Variants in REEP3 observed in about 807,000 individuals in gnomAD.
The protein encoded by REEP3 is receptor accessory protein 3.
In REEP3, 20 loss-of-function variants were observed where a neutral mutation model predicts 41.3. That is an observed-to-expected ratio of 0.48 (90% CI 0.34 to 0.70). The LOEUF (loss-of-function observed/expected upper bound fraction) is 0.70, where lower values mean the gene tolerates loss of function less well. Among genes scored for constraint, REEP3 ranks in the 30% least tolerant of loss-of-function variants. REEP3 has a pLI of 0.01. For synonymous variants in REEP3, 104 were observed against 101.8 expected, an observed-to-expected ratio of 1.02 and a Z score of -0.13; for missense variants, 271 against 308.8, an observed-to-expected ratio of 0.88 and a Z score of 0.92.
At chr10:63,563,795 A>T (rs1307735427) in intron 1 of REEP3, among the ~76,000 whole-genome samples, 2 of 152,160 alleles carry the variant, frequency 1.3e-5, no homozygotes, top group Non-Finnish European at 2.9e-5. Flanking sequence ...AGTCACGTTG[A>T]TAGACTGTGT....
At chr10:63,540,064 A>G (rs1955515079) in intron 1 of REEP3, among the ~76,000 whole-genome samples, 1 of 152,250 alleles carries the variant, frequency 6.6e-6, no homozygotes, top group African/African-American at 2.4e-5. Flanking sequence ...AAATTTGAGT[A>G]TCTAAAAATT....
chr10:63,610,094 T>C, intron 5 of REEP3, 93 bp from the exon 6 acceptor site: 1 of 1,137,442 alleles, frequency 8.8e-7, no homozygotes, highest in Non-Finnish European at 1.2e-6. Context: ...TCTTTCAGCT[T>C]TTCTGAAGTT....
intron 3 of REEP3, among the ~76,000 whole-genome samples, chr10:63,596,333 G>A (rs1184331195): frequency 7.1e-6 from 1 of 141,210 alleles, no homozygotes; most frequent in Non-Finnish European, 1.6e-5. Flanking sequence ...GTGCTACATC[G>A]AAGTTTCCAA....
At chr10:63,602,506 A>G (rs936938637) in intron 5 of REEP3, among the ~76,000 whole-genome samples, 7 of 152,226 alleles carry the variant, frequency 4.6e-5, no homozygotes, top group Admixed American at 6.5e-5. Context: ...ATGGAGAAAA[A>G]CTGAAAATTA....
At chr10:63,556,604 C>A (rs75969059) in intron 1 of REEP3, among the ~76,000 whole-genome samples, 2 of 55,696 alleles carry the variant, frequency 3.6e-5, no homozygotes, top group Admixed American at 3.1e-4. Flanking sequence ...GTTTTGTTTT[C>A]TGTTTGCTTG....
intron 1 of REEP3, among the ~76,000 whole-genome samples, chr10:63,538,678 G>A (rs1955498290): frequency 1.3e-5 from 2 of 152,096 alleles, no homozygotes; most frequent in South Asian, 4.1e-4. Flanking sequence ...AGGTTGCCGT[G>A]AGCCAAGATC....
chr10:63,581,023 A>T (rs1320045172), intron 2 of REEP3, among the ~76,000 whole-genome samples: 1 of 152,160 alleles, frequency 6.6e-6, no homozygotes, highest in African/African-American at 2.4e-5. Flanking sequence ...AAACAAATTA[A>T]AAAGAGTATT....
intron 1 of REEP3, among the ~76,000 whole-genome samples, chr10:63,537,999 G>T: frequency 7.4e-6 from 1 of 134,444 alleles, no homozygotes. Context: ...GATAACAGTT[G>T]TTTTCTTGTC....
chr10:63,605,725 CT>C (rs1329999607), intron 5 of REEP3, among the ~76,000 whole-genome samples: 1 of 152,146 alleles, frequency 6.6e-6, no homozygotes, highest in Non-Finnish European at 1.5e-5. Flanking sequence ...TGCAGGGCCC[CT>C]TTTTATGGAT....
chr10:63,614,301 G>A (rs1313574576), intron 6 of REEP3, among the ~76,000 whole-genome samples: 1 of 152,126 alleles, frequency 6.6e-6, no homozygotes, highest in East Asian at 1.9e-4. Flanking sequence ...TGCATAATAA[G>A]CCACCCCAAA....
intron 2 of REEP3, among the ~76,000 whole-genome samples, chr10:63,582,861 A>G (rs995900472): frequency 6.6e-6 from 1 of 151,912 alleles, no homozygotes; most frequent in Non-Finnish European, 1.5e-5. Flanking sequence ...CCCTCCCACT[A>G]TCTCCCACTC....
chr10:63,597,016 T>C (rs1234594463), intron 3 of REEP3, among the ~76,000 whole-genome samples: 2 of 152,066 alleles, frequency 1.3e-5, no homozygotes, highest in Non-Finnish European at 2.9e-5. Flanking sequence ...TTGAGGGTAA[T>C]GGGTAATGGA....
Position 63,568,885 on chromosome 10 carries a change from A to T in REEP3, c.105+2475A>T, listed in dbSNP as rs527975390. On this transcript the variant is annotated intron_variant, in intron 2 of 7. Coordinates refer to ENST00000373758, the MANE Select transcript of REEP3 (RefSeq NM_001001330.3). ...ACTATGTTGTCCAGGTTGATCTTGG[A>T]CTCCTGGCCTCAGGTTATCCACCTA... is the stretch of plus-strand genomic sequence containing the variant. Among the ~76,000 whole-genome samples, 6 of 150,930 alleles carry T rather than the reference A, an allele frequency of 4.0e-5. No individual in the cohort carries two copies. In the East Asian group the frequency reaches 1.2e-3, roughly 30 times the overall value.
intron 6 of REEP3, among the ~76,000 whole-genome samples, chr10:63,612,841 T>C (rs1956286589): frequency 6.6e-6 from 1 of 152,018 alleles, no homozygotes; most frequent in Non-Finnish European, 1.5e-5. Context: ...CTGCTACATA[T>C]ATTATATTTT....
At chr10:63,581,273 C>T (rs778277325) in intron 2 of REEP3, among the ~76,000 whole-genome samples, 3 of 151,998 alleles carry the variant, frequency 2.0e-5, no homozygotes, top group Admixed American at 6.6e-5. Flanking sequence ...AATATAAAAG[C>T]TAGAGCTATT....
intron 5 of REEP3, among the ~76,000 whole-genome samples, chr10:63,601,921 C>CA (rs1300436449): frequency 6.6e-6 from 1 of 151,232 alleles, no homozygotes; most frequent in Non-Finnish European, 1.5e-5. Flanking sequence ...AACTCCATCT[C>CA]AAAAAATACT....
intron 1 of REEP3, among the ~76,000 whole-genome samples, chr10:63,538,181 A>G (rs768828522): frequency 1.3e-5 from 2 of 152,150 alleles, no homozygotes; most frequent in Admixed American, 1.3e-4. Flanking sequence ...CTTATTTTTC[A>G]TGATATTTCT....
intron 1 of REEP3, among the ~76,000 whole-genome samples, chr10:63,528,782 CT>C (rs1955390731): frequency 6.6e-6 from 1 of 152,216 alleles, no homozygotes; most frequent in Non-Finnish European, 1.5e-5. Flanking sequence ...AGCCTGGGCA[CT>C]TGATGGCCCC....
chr10:63,583,062 T>C (rs781105511), intron 2 of REEP3, among the ~76,000 whole-genome samples: 2 of 152,008 alleles, frequency 1.3e-5, no homozygotes, highest in Non-Finnish European at 2.9e-5. Flanking sequence ...CTCAGCTCAC[T>C]GCAACCTCCG....
Sources: gnomAD v4.1 joint callset for allele counts (sites outside exome capture counted in the v4.1 genomes callset) on GRCh38, gnomAD v4.1.1 for gene constraint, MANE v1.5 for transcripts, NCBI Gene and HGNC (gene_info 2026-07-23, HGNC 2026-07-21) for gene names.